Variants in PKNOX2 observed in about 807,000 individuals in gnomAD.
PKNOX2 encodes the protein PBX/knotted 1 homeobox 2.
A neutral mutation model predicts 53.1 loss-of-function variants in PKNOX2; 14 were observed. The observed-to-expected ratio is 0.26, with a 90% CI of 0.17 to 0.41. The LOEUF (loss-of-function observed/expected upper bound fraction) is 0.41, where lower values mean the gene tolerates loss of function less well. PKNOX2 is among the 10% of genes least tolerant of loss of function. The pLI, the probability that PKNOX2 is intolerant of heterozygous loss-of-function variation, is 1.00. For missense variants in PKNOX2, 496 were observed against 602.8 expected, an observed-to-expected ratio of 0.82 and a Z score of 1.85; for synonymous variants, 257 against 242.8, an observed-to-expected ratio of 1.06 and a Z score of -0.54.
At chr11:125,247,027 T>C (rs769013393) in intron 2 of PKNOX2, among the ~76,000 whole-genome samples, 27 of 151,884 alleles carry the variant, frequency 1.8e-4, no homozygotes, top group Non-Finnish European at 2.6e-4. Context: ...AAAATGCATT[T>C]ATTAAGCACT....
intron 1 of PKNOX2, among the ~76,000 whole-genome samples, chr11:125,211,866 A>G (rs964250958): frequency 6.6e-6 from 1 of 152,144 alleles, no homozygotes; most frequent in Non-Finnish European, 1.5e-5. Context: ...TGCAGATGAC[A>G]ATGATGTAAA....
intron 10 of PKNOX2, among the ~76,000 whole-genome samples, chr11:125,413,948 C>T (rs757884333): frequency 2.0e-5 from 3 of 152,264 alleles, no homozygotes; most frequent in African/African-American, 7.2e-5. Context: ...GTGGCCTTCC[C>T]CTTCACTACT....
intron 2 of PKNOX2, among the ~76,000 whole-genome samples, chr11:125,267,884 C>T (rs141859812): frequency 1.2e-4 from 18 of 152,246 alleles, no homozygotes; most frequent in Admixed American, 5.9e-4. Flanking sequence ...GAGAACAAGG[C>T]GCTCATCAAC....
intron 2 of PKNOX2, among the ~76,000 whole-genome samples, chr11:125,237,522 C>T (rs971947544): frequency 4.6e-5 from 7 of 152,230 alleles, no homozygotes; most frequent in Non-Finnish European, 7.3e-5. Flanking sequence ...TGGCACAGCA[C>T]AGCCTCATCT....
At chr11:125,231,297 A>C (rs1293907770) in intron 1 of PKNOX2, among the ~76,000 whole-genome samples, 1 of 152,212 alleles carries the variant, frequency 6.6e-6, no homozygotes, top group Non-Finnish European at 1.5e-5. Context: ...GACAAGTTCT[A>C]TCACGCTACC....
intron 2 of PKNOX2, among the ~76,000 whole-genome samples, chr11:125,299,758 G>A (rs907803588): frequency 2.0e-5 from 3 of 152,308 alleles, no homozygotes; most frequent in Admixed American, 6.5e-5. Flanking sequence ...GAGGGTGAGC[G>A]TTGGGGATAT....
chr11:125,248,874 C>G (rs958809485), intron 2 of PKNOX2, among the ~76,000 whole-genome samples: 3 of 130,968 alleles, frequency 2.3e-5, no homozygotes, highest in Non-Finnish European at 3.2e-5. Context: ...ATATATATAA[C>G]GTATATATAT....
chr11:125,278,178 C>T (rs1368807744), intron 2 of PKNOX2, among the ~76,000 whole-genome samples: 2 of 150,092 alleles, frequency 1.3e-5, no homozygotes, highest in Non-Finnish European at 1.5e-5. Flanking sequence ...GTGATTGCAC[C>T]ACTGCATGCC....
intron 1 of PKNOX2, among the ~76,000 whole-genome samples, chr11:125,189,447 G>GTGTA (rs1256963392): frequency 6.8e-4 from 16 of 23,460 alleles, no homozygotes; most frequent in Admixed American, 9.5e-4. Context: ...GTGTGTGTGT[G>GTGTA]TATATATATA....
At chr11:125,272,107 A>C (rs1343117830) in intron 2 of PKNOX2, among the ~76,000 whole-genome samples, 2 of 152,186 alleles carry the variant, frequency 1.3e-5, no homozygotes, top group Non-Finnish European at 2.9e-5. Context: ...ACTCTCCTAC[A>C]TCATTTGATA....
rs1955876358 is a variant in PKNOX2 at position 125,178,580 on chromosome 11, AGGAAGGAAGGAAGGAAGGAAGGAAGGAAG to A, written c.-201+13806_-201+13834del. 2.9e-4 allele frequency among the ~76,000 whole-genome samples: 10 copies of A among 34,286 alleles called. 1 individual carries two copies. Among genetic ancestry groups the A allele is most frequent in the South Asian group, 1.2e-3 (1 of 850 alleles). The allele number at this position is 34,286 out of a possible 152,430, so 22.5% of individuals were successfully genotyped here. Reference sequence around the variant, plus strand: ...AAGGAAGGAACGAAGGAAGGAAGGAAGGAAGGAAGGAAGGAAGGAAGGAAGGAAGGAAAGAAAGAAAGAAAGAAAGAAAG... The same window carrying A: ...AAGGAAGGAACGAAGGAAGGAAGGAAGAAAGAAAGAAAGAAAGAAAGAAAG... On this transcript the variant is annotated intron_variant, in intron 1 of 12. Coordinates refer to ENST00000298282, the MANE Select transcript of PKNOX2 (RefSeq NM_001382323.2).
intron 10 of PKNOX2, among the ~76,000 whole-genome samples, chr11:125,426,262 T>C (rs1022391307): frequency 3.3e-5 from 5 of 152,232 alleles, no homozygotes; most frequent in African/African-American, 1.2e-4. Flanking sequence ...CTCTACTAGA[T>C]TGGCTTTGCC....
At chr11:125,418,867 C>G (rs1956025671) in intron 10 of PKNOX2, among the ~76,000 whole-genome samples, 1 of 152,006 alleles carries the variant, frequency 6.6e-6, no homozygotes, top group African/African-American at 2.4e-5. Flanking sequence ...ATTTATATAG[C>G]ATTTACATTG....
chr11:125,321,200 T>G (rs1225130496), intron 2 of PKNOX2, among the ~76,000 whole-genome samples: 1 of 152,126 alleles, frequency 6.6e-6, no homozygotes, highest in African/African-American at 2.4e-5. Flanking sequence ...TGAGTACAGT[T>G]TAACTATAAC....
At position 125,431,411 on chromosome 11, in the gene PKNOX2, A is replaced by G. The variant is rs1005302569; in HGVS notation, c.*19A>G. ...GGAGTAGTCGGGCAGCCCAGATGGC[A>G]CTGATCACTGAGCAGGAGAGGAGTG... On this transcript the variant is annotated 3_prime_UTR_variant, in exon 13 of 13. Coordinates refer to ENST00000298282, the MANE Select transcript of PKNOX2 (RefSeq NM_001382323.2). 8 of 1,342,930 alleles carry G rather than the reference A, an allele frequency of 6.0e-6. No individual in the cohort carries two copies. The highest frequency in any genetic ancestry group is 7.9e-6 in the Non-Finnish European group (8 of 1,014,056). The allele number at this position is 1,342,930 out of a possible 1,614,324, so 83.2% of individuals were successfully genotyped here.
At chr11:125,377,334 C>G (rs1278489496) in intron 5 of PKNOX2, among the ~76,000 whole-genome samples, 2 of 152,168 alleles carry the variant, frequency 1.3e-5, no homozygotes. Flanking sequence ...CTAGCATTTG[C>G]TGTGAGGGCT....
chr11:125,389,477 G>A (rs938315584), intron 6 of PKNOX2, among the ~76,000 whole-genome samples: 6 of 152,130 alleles, frequency 3.9e-5, no homozygotes, highest in Non-Finnish European at 1.5e-5. Context: ...AAGCTGCAAT[G>A]CCCCTGGCTG....
intron 2 of PKNOX2, among the ~76,000 whole-genome samples, chr11:125,251,856 T>C (rs1944027743): frequency 6.6e-6 from 1 of 151,574 alleles, no homozygotes; most frequent in African/African-American, 2.4e-5. Context: ...AGTGATGTTA[T>C]TTTATATCAA....
intron 2 of PKNOX2, among the ~76,000 whole-genome samples, chr11:125,320,116 G>A (rs1949436489): frequency 6.6e-6 from 1 of 152,216 alleles, no homozygotes; most frequent in Admixed American, 6.5e-5. Flanking sequence ...ATCCCTTGCT[G>A]TTTCCTGTTT....
Sources: gnomAD v4.1 joint callset for allele counts (sites outside exome capture counted in the v4.1 genomes callset) on GRCh38, gnomAD v4.1.1 for gene constraint, MANE v1.5 for transcripts, NCBI Gene and HGNC (gene_info 2026-07-23, HGNC 2026-07-21) for gene names.